The following CCDC62 variants were observed in gnomAD, a reference collection of about 807,000 sequenced individuals.
The protein encoded by CCDC62 is coiled-coil domain containing 62.
Under a neutral mutation model 80.8 loss-of-function variants are expected in CCDC62, and 72 were observed. That is an observed-to-expected ratio of 0.89 (90% CI 0.74 to 1.08). The LOEUF (loss-of-function observed/expected upper bound fraction) is 1.08. CCDC62 is among the 50% of genes least tolerant of loss of function. The pLI is 0.00. For missense variants in CCDC62, 704 were observed against 809.4 expected (o/e 0.87, Z 1.58); for synonymous variants, 286 against 296.5 (o/e 0.96, Z 0.36).
chr12:122,785,453 T>C (rs1208903211), intron 3 of CCDC62, among the ~76,000 whole-genome samples: 10 of 152,174 alleles, frequency 6.6e-5, no homozygotes, highest in East Asian at 1.9e-4. Flanking sequence ...CATAATTCAA[T>C]AGGGCAAATA....
intron 1 of CCDC62, chr12:122,777,270 C>A (rs1385705305): frequency 4.3e-6 from 2 of 470,098 alleles, no homozygotes; most frequent in Non-Finnish European, 3.8e-6. Flanking sequence ...AGGCATGGTA[C>A]GTATGGCATG....
chr12:122,782,773 T>C (rs2029946130), intron 3 of CCDC62, among the ~76,000 whole-genome samples: 1 of 151,620 alleles, frequency 6.6e-6, no homozygotes, highest in South Asian at 2.1e-4. Flanking sequence ...TTGTGTCTTA[T>C]CTCATAATGT....
intron 5 of CCDC62, 49 bp from the exon 6 acceptor site, chr12:122,791,971 C>A: frequency 7.8e-7 from 1 of 1,280,520 alleles, no homozygotes; most frequent in Non-Finnish European, 1.1e-6. Context: ...TATATGAGGA[C>A]TGGAACCTAG....
In CCDC62 at chr12:122,801,142, A is replaced by C. The variant is rs764250995; in HGVS notation, c.996A>C (p.Ser332=). Residue 332 remains serine, a synonymous_variant, in exon 9 of 13, where the codon TCA becomes TCC. Transcript: ENST00000253079. ...ACCATAGCAGAGACATGTGTTTATC[A>C]GACCTTGAAAATAACCACCCAAAAG... ...ALDSSRDMCL[S]DLENNHPKVD... 28 of 1,611,998 alleles carry C rather than the reference A, an allele frequency of 1.7e-5. No individual in the cohort carries two copies. The highest frequency in any genetic ancestry group is 2.4e-5 in the Non-Finnish European group (28 of 1,179,442).
chr12:122,823,041 A>G (rs1425323248), intron 11 of CCDC62, among the ~76,000 whole-genome samples: 1 of 151,932 alleles, frequency 6.6e-6, no homozygotes, highest in Non-Finnish European at 1.5e-5. Context: ...GCTTACTGCA[A>G]CCTCCACCTC....
chr12:122,786,647 T>C (rs778745894), intron 4 of CCDC62, among the ~76,000 whole-genome samples: 3 of 152,020 alleles, frequency 2.0e-5, no homozygotes, highest in Non-Finnish European at 1.5e-5. Flanking sequence ...TTTCAAGTGA[T>C]TGGGGCAAGT....
intron 10 of CCDC62, among the ~76,000 whole-genome samples, chr12:122,811,538 A>G (rs1482395663): frequency 5.3e-5 from 8 of 151,188 alleles, no homozygotes; most frequent in Non-Finnish European, 1.2e-4. Flanking sequence ...AAAAAAAAAA[A>G]AAATCAGGTG....
At chr12:122,812,768 AG>A (rs1399152496) in intron 10 of CCDC62, among the ~76,000 whole-genome samples, 13 of 88,660 alleles carry the variant, frequency 1.5e-4, no homozygotes, top group African/African-American at 6.6e-4. Context: ...AGAGAGAGAG[AG>A]AGAGAGAGAG....
chr12:122,806,046 A>G (rs2031578034), intron 9 of CCDC62, 105 bp from the exon 10 acceptor site: 2 of 1,066,108 alleles, frequency 1.9e-6, no homozygotes, highest in East Asian at 5.0e-5. Context: ...TGCTTCAATA[A>G]CAAAAACACT....
intron 9 of CCDC62, among the ~76,000 whole-genome samples, chr12:122,802,959 G>A (rs2031393192): frequency 6.6e-6 from 1 of 152,206 alleles, no homozygotes; most frequent in Non-Finnish European, 1.5e-5. Context: ...GAACTCAGGA[G>A]TTTGAGACTG....
intron 9 of CCDC62, 67 bp downstream of exon 9, chr12:122,801,919 T>G: frequency 2.6e-6 from 4 of 1,513,550 alleles, no homozygotes; most frequent in Non-Finnish European, 3.6e-6. Context: ...ATACAAAGGG[T>G]GATGGAAGCC....
chr12:122,792,210 T>TTC (rs2030667133), intron 6 of CCDC62, 89 bp downstream of exon 6: 1 of 796,780 alleles, frequency 1.3e-6, no homozygotes, highest in East Asian at 2.6e-5. Flanking sequence ...TGGTTTTTTT[T>TTC]TTTTTTTTTT....
chr12:122,801,633 C>T lies in CCDC62; in HGVS notation c.1487C>T (p.Ser496Leu), dbSNP rs1258492593. 1.9e-6 allele frequency: 3 copies of T among 1,614,168 alleles called. No individual in the cohort carries two copies. In the Admixed American group the frequency reaches 5.0e-5, roughly 27 times the overall value. ...CQDQMERSEISCCQKNEACLG... is the reference protein window; with the variant it reads ...CQDQMERSEILCCQKNEACLG... ...GATCAGATGGAAAGGTCCGAAATCT[C>T]ATGCTGCCAGAAAAATGAAGCCTGT... Residue 496 changes from serine (S) to leucine (L), a missense_variant, in exon 9 of 13, where the codon TCA (serine) becomes TTA (leucine). Physicochemically the swap from Ser to Leu is moderately radical, Grantham distance 145. Coordinates refer to ENST00000253079, the MANE Select transcript of CCDC62 (RefSeq NM_201435.5).
intron 1 of CCDC62, among the ~76,000 whole-genome samples, chr12:122,775,019 G>A (rs1314408331): frequency 6.6e-6 from 1 of 150,516 alleles, no homozygotes; most frequent in Non-Finnish European, 1.5e-5. Context: ...GCGTGAACCC[G>A]GGAGGCAGAG....
chr12:122,785,611 TAAAC>T (rs2030162806), intron 3 of CCDC62, 104 bp from the exon 4 acceptor site: 2 of 756,330 alleles, frequency 2.6e-6, no homozygotes, highest in South Asian at 1.6e-5. Flanking sequence ...ACTAACGAGT[TAAAC>T]AAGGAAAAAA....
In CCDC62 at chr12:122,795,626, G is replaced by A. The variant is rs113370981; in HGVS notation, c.773-1681G>A. On this transcript the variant is annotated intron_variant, in intron 6 of 12. Coordinates refer to ENST00000253079, the MANE Select transcript of CCDC62 (RefSeq NM_201435.5). ...TTTTTAGTAGAGATGGGGTTTCACC[G>A]TGTTAGCCAGGATGGTCTTGATTTC... Among the ~76,000 whole-genome samples the A allele has an allele frequency of 3.5e-3, 525 of 152,144 alleles. 2 individuals are homozygous for A. The highest frequency in any genetic ancestry group is 5.6e-3 in the Non-Finnish European group (384 of 67,980).
At chr12:122,809,945 C>T (rs1404103253) in intron 10 of CCDC62, among the ~76,000 whole-genome samples, 4 of 152,086 alleles carry the variant, frequency 2.6e-5, no homozygotes, top group African/African-American at 9.7e-5. Context: ...ACAAATGGTG[C>T]TGGGAAAACT....
At chr12:122,788,449 GA>G (rs1302312359) in intron 4 of CCDC62, among the ~76,000 whole-genome samples, 2 of 152,162 alleles carry the variant, frequency 1.3e-5, no homozygotes, top group African/African-American at 4.8e-5. Context: ...CTAACTTTTT[GA>G]GAGAGAGTAA....
chr12:122,819,539 G>A (rs1196487699), intron 11 of CCDC62, among the ~76,000 whole-genome samples: 3 of 152,174 alleles, frequency 2.0e-5, no homozygotes, highest in African/African-American at 7.2e-5. Context: ...ATAGGCACAC[G>A]TGTTTCTTTG....
Sources: allele counts gnomAD v4.1 joint callset (sites outside exome capture counted in the v4.1 genomes callset), GRCh38; gene constraint gnomAD v4.1.1; transcripts MANE v1.5; gene names NCBI Gene and HGNC (gene_info 2026-07-23, HGNC 2026-07-21).